UBE2E2: variants seen among roughly 807,000 people sequenced by gnomAD.
UBE2E2 encodes ubiquitin-conjugating enzyme E2 E2.
UBE2E2 carries 6 observed loss-of-function variants against 24.7 expected under a neutral mutation model. The observed-to-expected ratio is 0.24, with a 90% CI of 0.13 to 0.48. The LOEUF is 0.48. UBE2E2 is among the 20% of genes least tolerant of loss of function. The pLI, the probability that UBE2E2 is intolerant of heterozygous loss-of-function variation, is 0.99. For synonymous variants in UBE2E2, 104 were observed against 83.6 expected, an observed-to-expected ratio of 1.24 and a Z score of -1.33; for missense variants, 169 against 245.0, an observed-to-expected ratio of 0.69 and a Z score of 2.07.
At chr3:23,301,626 T>C (rs1169937172) in intron 3 of UBE2E2, among the ~76,000 whole-genome samples, 1 of 152,218 alleles carries the variant, frequency 6.6e-6, no homozygotes, top group African/African-American at 2.4e-5. Context: ...TGCTGCTGTC[T>C]GATCGTTCCT....
chr3:23,393,970 C>A (rs1697013374), intron 3 of UBE2E2, among the ~76,000 whole-genome samples: 1 of 152,134 alleles, frequency 6.6e-6, no homozygotes, highest in Non-Finnish European at 1.5e-5. Flanking sequence ...TTCTATCTAG[C>A]CCTTTATAGA....
At chr3:23,299,962 G>A (rs1280081675) in intron 3 of UBE2E2, among the ~76,000 whole-genome samples, 6 of 151,932 alleles carry the variant, frequency 3.9e-5, no homozygotes, top group Non-Finnish European at 5.9e-5. Flanking sequence ...ATGAATCTGG[G>A]TGCTCCTGTA....
At chr3:23,235,661 G>A (rs1271722438) in intron 3 of UBE2E2, among the ~76,000 whole-genome samples, 1 of 152,122 alleles carries the variant, frequency 6.6e-6, no homozygotes, top group East Asian at 1.9e-4. Context: ...GTCATTTGAA[G>A]TATGTTTTTT....
intron 3 of UBE2E2, among the ~76,000 whole-genome samples, chr3:23,447,210 C>G (rs917399771): frequency 2.0e-5 from 3 of 152,010 alleles, no homozygotes; most frequent in African/African-American, 7.3e-5. Flanking sequence ...GTGTCATTAC[C>G]TGTTTGTGCA....
Position 23,523,300 on chromosome 3 carries a change from A to G in UBE2E2, c.361-9254A>G, listed in dbSNP as rs138038506. Among the ~76,000 whole-genome samples, 1,504 of 152,316 alleles carry G rather than the reference A, an allele frequency of 9.9e-3. 19 individuals are homozygous for G. The highest frequency in any genetic ancestry group is 0.032 in the African/African-American group (1,320 of 41,570). On this transcript the variant is annotated intron_variant, in intron 4 of 5. Transcript: ENST00000396703. The stretch of plus-strand genomic sequence containing the variant: ...CTGAGAATTGAATAAGATGCTCCCA[A>G]TCTTCTAAGAGATTTGCTTCCCGTG...
chr3:23,377,777 G>A (rs1202679539), intron 3 of UBE2E2, among the ~76,000 whole-genome samples: 2 of 152,166 alleles, frequency 1.3e-5, no homozygotes, highest in African/African-American at 4.8e-5. Flanking sequence ...GAAATAATAG[G>A]TAAAGTGCTT....
intron 4 of UBE2E2, among the ~76,000 whole-genome samples, chr3:23,519,929 A>G (rs1048311912): frequency 1.3e-5 from 2 of 151,856 alleles, no homozygotes; most frequent in South Asian, 2.1e-4. Context: ...AGCCTGAGCC[A>G]CCACACCCAG....
At chr3:23,349,945 T>C (rs1397868771) in intron 3 of UBE2E2, among the ~76,000 whole-genome samples, 2 of 152,242 alleles carry the variant, frequency 1.3e-5, no homozygotes, top group Non-Finnish European at 2.9e-5. Context: ...AGTGGGTCCC[T>C]GACCCCTGAC....
intron 3 of UBE2E2, among the ~76,000 whole-genome samples, chr3:23,491,621 G>C (rs1699497938): frequency 6.6e-6 from 1 of 152,186 alleles, no homozygotes; most frequent in African/African-American, 2.4e-5. Flanking sequence ...AGTTGAAGGG[G>C]AGCTTTGGGA....
chr3:23,460,927 A>G (rs187539964), intron 3 of UBE2E2, among the ~76,000 whole-genome samples: 312 of 152,310 alleles, frequency 2.0e-3, no homozygotes, highest in African/African-American at 7.3e-3. Flanking sequence ...TCCTTACAAT[A>G]CTGTTTTAAA....
intron 3 of UBE2E2, among the ~76,000 whole-genome samples, chr3:23,299,565 T>A (rs1001758246): frequency 6.6e-6 from 1 of 152,194 alleles, no homozygotes; most frequent in Non-Finnish European, 1.5e-5. Flanking sequence ...CAGGAGCAGG[T>A]TGTTCAGTTT....
intron 3 of UBE2E2, among the ~76,000 whole-genome samples, chr3:23,455,565 G>A (rs1341847477): frequency 6.6e-6 from 1 of 151,980 alleles, no homozygotes; most frequent in East Asian, 1.9e-4. Context: ...CAAAAAATTA[G>A]CCGGGCTAAT....
chr3:23,312,543 G>A (rs929022078), intron 3 of UBE2E2, among the ~76,000 whole-genome samples: 2 of 151,280 alleles, frequency 1.3e-5, no homozygotes, highest in Admixed American at 1.3e-4. Context: ...CCCAGCCTCT[G>A]GTAACCATCC....
chr3:23,586,156 C>G (rs1696621028), intron 5 of UBE2E2, among the ~76,000 whole-genome samples: 1 of 152,120 alleles, frequency 6.6e-6, no homozygotes, highest in African/African-American at 2.4e-5. Flanking sequence ...TTTCTCCTTT[C>G]ATGAAATATT....
intron 3 of UBE2E2, among the ~76,000 whole-genome samples, chr3:23,461,996 G>A (rs1289392440): frequency 1.3e-5 from 2 of 151,974 alleles, no homozygotes; most frequent in South Asian, 2.1e-4. Flanking sequence ...TAAACTTGGG[G>A]GTGAGCTAAA....
At chr3:23,228,905 A>G (rs1194505565) in intron 3 of UBE2E2, among the ~76,000 whole-genome samples, 1 of 152,208 alleles carries the variant, frequency 6.6e-6, no homozygotes, top group African/African-American at 2.4e-5. Context: ...GATGAGGCCT[A>G]GTAATAATTT....
chr3:23,228,873 A>G (rs1209897996), intron 3 of UBE2E2, among the ~76,000 whole-genome samples: 2 of 152,208 alleles, frequency 1.3e-5, no homozygotes, highest in South Asian at 2.1e-4. Flanking sequence ...GACTCTCTCC[A>G]CACACTTTCG....
intron 3 of UBE2E2, among the ~76,000 whole-genome samples, chr3:23,322,415 G>GT (rs1276703842): frequency 6.6e-6 from 1 of 152,122 alleles, no homozygotes; most frequent in Non-Finnish European, 1.5e-5. Flanking sequence ...AGAAATTTCT[G>GT]TTTTTCCTCC....
chr3:23,347,946 A>G (rs985337231), intron 3 of UBE2E2, among the ~76,000 whole-genome samples: 5 of 152,124 alleles, frequency 3.3e-5, no homozygotes, highest in African/African-American at 1.2e-4. Flanking sequence ...GGTAGGCTAT[A>G]ATAAACTCCA....
Sources: gnomAD v4.1 joint callset for allele counts (sites outside exome capture counted in the v4.1 genomes callset) on GRCh38, gnomAD v4.1.1 for gene constraint, MANE v1.5 for transcripts, NCBI Gene and HGNC (gene_info 2026-07-23, HGNC 2026-07-21) for gene names.